ARL15: variants seen among roughly 807,000 people sequenced by gnomAD.
ARL15 encodes the protein ADP-ribosylation factor-like protein 15.
In ARL15, 19 loss-of-function variants were observed where a neutral mutation model predicts 25.2. That is an observed-to-expected ratio of 0.75 (90% CI 0.53 to 1.10). The LOEUF (loss-of-function observed/expected upper bound fraction) is 1.10, where lower values mean the gene tolerates loss of function less well. Among genes scored for constraint, ARL15 ranks in the 50% least tolerant of loss-of-function variants. The pLI is 0.00. For synonymous variants in ARL15, 94 were observed against 86.8 expected, an observed-to-expected ratio of 1.08 and a Z score of -0.46; for missense variants, 220 against 246.0, an observed-to-expected ratio of 0.89 and a Z score of 0.71.
intron 4 of ARL15, among the ~76,000 whole-genome samples, chr5:54,003,536 C>T (rs1580160192): frequency 1.3e-5 from 2 of 152,150 alleles, no homozygotes; most frequent in South Asian, 4.1e-4. Context: ...AACTGTTTTC[C>T]CTCAAACAAA....
At chr5:54,244,021 T>C (rs1490248432) in intron 1 of ARL15, among the ~76,000 whole-genome samples, 1 of 152,186 alleles carries the variant, frequency 6.6e-6, no homozygotes, top group Admixed American at 6.5e-5. Context: ...TCTCTAATTC[T>C]TAGATTTTAG....
intron 4 of ARL15, among the ~76,000 whole-genome samples, chr5:54,018,565 C>T (rs1052166582): frequency 6.6e-5 from 10 of 152,108 alleles, no homozygotes; most frequent in African/African-American, 1.9e-4. Context: ...ATGAATGCAC[C>T]GTGATCTGGG....
chr5:53,929,254 AT>A (rs1313830274), intron 4 of ARL15, among the ~76,000 whole-genome samples: 1 of 152,082 alleles, frequency 6.6e-6, no homozygotes, highest in East Asian at 1.9e-4. Context: ...TAGGGTAAAT[AT>A]TATTTTTCCC....
intron 1 of ARL15, among the ~76,000 whole-genome samples, chr5:54,180,310 T>C (rs1183710612): frequency 1.3e-5 from 2 of 152,204 alleles, no homozygotes; most frequent in African/African-American, 4.8e-5. Flanking sequence ...ATCTCTTAGC[T>C]AATCCTATCT....
At chr5:54,215,080 TTGAGGGG>T (rs1211357464) in intron 1 of ARL15, among the ~76,000 whole-genome samples, 1 of 152,064 alleles carries the variant, frequency 6.6e-6, no homozygotes, top group Non-Finnish European at 1.5e-5. Flanking sequence ...TTCTTATCAC[TTGAGGGG>T]GCTTGGGGGT....
chr5:54,242,795 C>G (rs948294811), intron 1 of ARL15, among the ~76,000 whole-genome samples: 1 of 151,984 alleles, frequency 6.6e-6, no homozygotes, highest in African/African-American at 2.4e-5. Context: ...CCCTTTTTTT[C>G]CTAGGTCAGT....
At chr5:53,939,326 TC>T (rs1449800321) in intron 4 of ARL15, among the ~76,000 whole-genome samples, 2 of 152,256 alleles carry the variant, frequency 1.3e-5, no homozygotes, top group Non-Finnish European at 2.9e-5. Flanking sequence ...TGCATGCATT[TC>T]AGTTTCCATT....
intron 4 of ARL15, among the ~76,000 whole-genome samples, chr5:54,049,307 AACACAG>A (rs2111980345): frequency 1.3e-5 from 2 of 151,572 alleles, no homozygotes; most frequent in East Asian, 4.0e-4. Flanking sequence ...ATCATAGCTC[AACACAG>A]CTTCAAAATC....
At chr5:54,045,835 G>A (rs1750492166) in intron 4 of ARL15, among the ~76,000 whole-genome samples, 1 of 152,154 alleles carries the variant, frequency 6.6e-6, no homozygotes, top group Admixed American at 6.5e-5. Flanking sequence ...ACTACAAAGA[G>A]CCAACTCACT....
At chr5:53,898,314 A>C (rs1744938812) in intron 4 of ARL15, among the ~76,000 whole-genome samples, 1 of 152,098 alleles carries the variant, frequency 6.6e-6, no homozygotes, top group South Asian at 2.1e-4. Flanking sequence ...GTATCATAGT[A>C]ATCTTGGTTT....
intron 4 of ARL15, among the ~76,000 whole-genome samples, chr5:53,976,518 G>A (rs1425751017): frequency 6.6e-6 from 1 of 152,200 alleles, no homozygotes; most frequent in Non-Finnish European, 1.5e-5. Flanking sequence ...ACTGAGATGA[G>A]TAGATTTCCA....
intron 1 of ARL15, among the ~76,000 whole-genome samples, chr5:54,184,104 TG>T (rs1314081424): frequency 2.8e-3 from 73 of 26,268 alleles, no homozygotes; most frequent in African/African-American, 0.011. Context: ...TGTGGTGGGG[TG>T]GGGGGAGGGG....
chr5:53,984,915 T>C (rs1748239754), intron 4 of ARL15, among the ~76,000 whole-genome samples: 1 of 152,208 alleles, frequency 6.6e-6, no homozygotes, highest in Non-Finnish European at 1.5e-5. Context: ...CCTTCAATTA[T>C]GGCTGTTTAT....
intron 4 of ARL15, among the ~76,000 whole-genome samples, chr5:54,046,754 G>T (rs1387413050): frequency 6.6e-6 from 1 of 152,156 alleles, no homozygotes. Flanking sequence ...CTAAATTCAG[G>T]TAAGTAGATG....
intron 1 of ARL15, among the ~76,000 whole-genome samples, chr5:54,257,427 AG>A (rs1300481998): frequency 6.6e-6 from 1 of 152,190 alleles, no homozygotes; most frequent in Admixed American, 6.5e-5. Flanking sequence ...ACACACCCCT[AG>A]GAAAGCCAAC....
At chr5:53,893,253 G>C (rs891629737) in intron 4 of ARL15, among the ~76,000 whole-genome samples, 1 of 152,136 alleles carries the variant, frequency 6.6e-6, no homozygotes, top group Non-Finnish European at 1.5e-5. Flanking sequence ...GCCATGGTTT[G>C]AGTATTTACA....
chr5:54,199,456 A>G (rs2112478326), intron 1 of ARL15, among the ~76,000 whole-genome samples: 1 of 152,126 alleles, frequency 6.6e-6, no homozygotes, highest in East Asian at 1.9e-4. Context: ...TACAAGAAAA[A>G]AACAACCCTA....
chr5:53,914,469 T>C (rs1745568200), intron 4 of ARL15, among the ~76,000 whole-genome samples: 1 of 152,180 alleles, frequency 6.6e-6, no homozygotes, highest in South Asian at 2.1e-4. Context: ...CCCTGTCACT[T>C]CCCTTCTTTG....
At chr5:54,280,377 G>A (rs140066292) in intron 1 of ARL15, among the ~76,000 whole-genome samples, 15 of 152,102 alleles carry the variant, frequency 9.9e-5, no homozygotes, top group Admixed American at 2.0e-4. Flanking sequence ...TCATCTAACC[G>A]GGGACAAATA....
Sources: allele counts gnomAD v4.1 joint callset (sites outside exome capture counted in the v4.1 genomes callset), GRCh38; gene constraint gnomAD v4.1.1; transcripts MANE v1.5; gene names NCBI Gene and HGNC (gene_info 2026-07-23, HGNC 2026-07-21).